HNRNPUL1: variants seen among roughly 807,000 people sequenced by gnomAD.
HNRNPUL1 encodes the protein heterogeneous nuclear ribonucleoprotein U like 1.
Under a neutral mutation model 108.5 loss-of-function variants are expected in HNRNPUL1, and 14 were observed. The ratio of observed to expected loss-of-function variants is 0.13; its 90% confidence interval spans 0.09 to 0.20. HNRNPUL1 has a LOEUF of 0.20. Among genes scored for constraint, HNRNPUL1 ranks in the 10% least tolerant of loss-of-function variants. The pLI is 1.00. For synonymous variants in HNRNPUL1, 422 were observed against 445.2 expected (o/e 0.95, Z 0.66); for missense variants, 804 against 1,168.3 (o/e 0.69, Z 4.55).
In HNRNPUL1 at chr19:41,264,401, G is replaced by GCC. The variant is rs368460593; in HGVS notation, c.-95_-94dup. 51 of 988,412 alleles carry GCC rather than the reference G, an allele frequency of 5.2e-5. No individual in the cohort carries two copies. The highest frequency in any genetic ancestry group is 1.7e-4 in the South Asian group (5 of 29,756). The allele number at this position is 988,412 out of a possible 1,614,324, so 61.2% of individuals were successfully genotyped here. ...TGAGCCGCTGCCGCCATTGGAGTGGGCCCCCCCCCTTTCCCCCTTCGCCTC... is the reference window on the plus strand; with the variant it reads ...TGAGCCGCTGCCGCCATTGGAGTGGGCCCCCCCCCCCTTTCCCCCTTCGCCTC... On this transcript the variant is annotated 5_prime_UTR_variant, in exon 1 of 15. Coordinates refer to ENST00000392006, the MANE Select transcript of HNRNPUL1 (RefSeq NM_007040.6).
chr19:41,265,867 G>A (rs1371607992), intron 1 of HNRNPUL1, among the ~76,000 whole-genome samples: 1 of 152,074 alleles, frequency 6.6e-6, no homozygotes, highest in Admixed American at 6.6e-5. Context: ...GGGGGAGGCC[G>A]TAGGGAGCAA....
chr19:41,265,171 C>T lies in HNRNPUL1; in HGVS notation c.295+373C>T. The stretch of plus-strand genomic sequence containing the variant: ...TCTCGAAAATGGGGATCCTAGGGTA[C>T]GGAGCTCCGTGGGCTTGGCGGTCGT... On this transcript the variant is annotated intron_variant, in intron 1 of 14. Transcript: ENST00000392006. 5 of 1,450,188 alleles carry T rather than the reference C, an allele frequency of 3.4e-6. No individual in the cohort carries two copies. In the South Asian group the frequency reaches 4.1e-5, roughly 12 times the overall value. 89.8% of individuals were successfully genotyped at this position (1,450,188 alleles called of 1,614,324 possible).
rs148492150 is a variant in HNRNPUL1, at chr19:41,293,543, C to G, written c.1267-795C>G. 2.4e-3 allele frequency among the ~76,000 whole-genome samples: 362 copies of G among 152,336 alleles called. 2 individuals are homozygous for G. Among genetic ancestry groups the G allele is most frequent in the African/African-American group, 8.1e-3 (337 of 41,574 alleles). On this transcript the variant is annotated intron_variant, in intron 8 of 14. Coordinates refer to ENST00000392006, the MANE Select transcript of HNRNPUL1 (RefSeq NM_007040.6). ...AAGATGCATCTGTGTTTACCAAATTCTAAATGTACTGATTAGATACAATTC... is the reference window on the plus strand; with the variant it reads ...AAGATGCATCTGTGTTTACCAAATTGTAAATGTACTGATTAGATACAATTC...
rs1568439944 is a variant in HNRNPUL1 at position 41,281,249 on chromosome 19, G to A, written c.973G>A (p.Glu325Lys). Residue 325 changes from glutamate to lysine, a missense_variant, in exon 7 of 15, where the codon GAG (glutamate) becomes AAG (lysine). Physicochemically the swap from Glu to Lys is moderately conservative, Grantham distance 56. Transcript: ENST00000392006. ...RFENYGDKFA[E>K]NDVIGCFADF... ...TGAAAACTACGGAGACAAGTTTGCA[G>A]AGAACGATGTGATTGGCTGCTTTGC... 6.2e-7 allele frequency: 1 copy of A among 1,613,982 alleles called. No individual in the cohort carries two copies.
At chr19:41,287,216 A>G (rs777808948) in intron 7 of HNRNPUL1, among the ~76,000 whole-genome samples, 52 of 151,968 alleles carry the variant, frequency 3.4e-4, no homozygotes, top group Non-Finnish European at 5.9e-4. Context: ...GGGTTTCACC[A>G]TGTTGGTCAG....
chr19:41,288,922 C>A (rs1177319707), intron 7 of HNRNPUL1, among the ~76,000 whole-genome samples: 1 of 152,146 alleles, frequency 6.6e-6, no homozygotes, highest in Non-Finnish European at 1.5e-5. Flanking sequence ...TCCGTGCTGG[C>A]ATGAGCATTT....
Position 41,291,990 on chromosome 19 carries a change from A to C in HNRNPUL1, c.1000-255A>C, listed in dbSNP as rs929437034. The stretch of plus-strand genomic sequence containing the variant: ...GTGAGACCCTGTCTCAAAAAAAAAA[A>C]AAACAAAAAAAAAAAACTCTTGCTT... On this transcript the variant is annotated intron_variant, in intron 7 of 14. Transcript: ENST00000392006. The C allele has an allele frequency of 1.0e-4, 47 of 452,306 alleles. 1 individual carries two copies. The highest frequency in any genetic ancestry group is 3.2e-4 in the South Asian group (13 of 40,984). The allele number at this position is 452,306 out of a possible 1,614,324, so 28.0% of individuals were successfully genotyped here.
At chr19:41,301,165 C>T (rs772063995) in intron 10 of HNRNPUL1, among the ~76,000 whole-genome samples, 26 of 152,180 alleles carry the variant, frequency 1.7e-4, no homozygotes, top group Admixed American at 5.9e-4. Context: ...ACTAAGGGAA[C>T]ACAGGGGTTT....
rs2037612170 is a variant in HNRNPUL1, at chr19:41,307,617, T to TGTTTTGTTTGGTTTC, written c.*1062_*1076dup. ...CACTTATTAAGAAATGTGTTTGCCC[T>TGTTTTGTTTGGTTTC]GTTTTGTTTGGTTTCGTTTTGTTTT... is the stretch of plus-strand genomic sequence containing the variant. On this transcript the variant is annotated 3_prime_UTR_variant, in exon 15 of 15. Transcript: ENST00000392006. 6.6e-6 allele frequency: 1 copy of TGTTTTGTTTGGTTTC among 152,668 alleles called. No homozygotes were observed. Among genetic ancestry groups the TGTTTTGTTTGGTTTC allele is most frequent in the Non-Finnish European group, 1.5e-5 (1 of 68,044 alleles). 9.5% of individuals were successfully genotyped at this position (152,668 alleles called of 1,614,324 possible).
intron 7 of HNRNPUL1, among the ~76,000 whole-genome samples, chr19:41,284,504 A>G (rs1166113569): frequency 6.6e-6 from 1 of 151,872 alleles, no homozygotes; most frequent in African/African-American, 2.4e-5. Context: ...AACTTTTAAT[A>G]TTTTATAAAC....
intron 2 of HNRNPUL1, among the ~76,000 whole-genome samples, chr19:41,269,862 G>C (rs1287677240): frequency 6.6e-6 from 1 of 152,166 alleles, no homozygotes; most frequent in Non-Finnish European, 1.5e-5. Flanking sequence ...ACTTTGGGAG[G>C]CTGAGGTGGG....
At chr19:41,297,517 G>T (rs1432516901) in intron 10 of HNRNPUL1, among the ~76,000 whole-genome samples, 1 of 152,204 alleles carries the variant, frequency 6.6e-6, no homozygotes, top group East Asian at 1.9e-4. Flanking sequence ...GAGGTGGGAA[G>T]CCTCTGGAAT....
At chr19:41,284,555 A>C (rs2036096238) in intron 7 of HNRNPUL1, among the ~76,000 whole-genome samples, 2 of 152,172 alleles carry the variant, frequency 1.3e-5, no homozygotes, top group Non-Finnish European at 1.5e-5. Flanking sequence ...CTGTAGTCCC[A>C]GATAGGAGGC....
At chr19:41,304,470 TAA>T (rs2037428960) in intron 13 of HNRNPUL1, among the ~76,000 whole-genome samples, 1 of 151,692 alleles carries the variant, frequency 6.6e-6, no homozygotes, top group African/African-American at 2.4e-5. Flanking sequence ...AACCCAGGAG[TAA>T]ATGTAGACCT....
At position 41,274,764 on chromosome 19, in the gene HNRNPUL1, A is replaced by G. The variant is rs556264958; in HGVS notation, c.646+709A>G. ...CAGAGCAGAAGATAAGCAGCAATTT[A>G]TTCATCTATTTCTACAGAAGCTTCT... On this transcript the variant is annotated intron_variant, in intron 4 of 14. Coordinates refer to ENST00000392006, the MANE Select transcript of HNRNPUL1 (RefSeq NM_007040.6). 2.6e-5 allele frequency among the ~76,000 whole-genome samples: 4 copies of G among 152,366 alleles called. No homozygotes were observed. In the South Asian group the frequency reaches 8.3e-4, roughly 32 times the overall value.
chr19:41,302,696 C>T lies in HNRNPUL1; in HGVS notation c.1719C>T (p.Phe573=), dbSNP rs749304722. Reference sequence around the variant, plus strand: ...TCACGTTGCCAGATGTTGGGGACTTCCTGGATGAGGTTCTGTTCATTGAGC... The same window carrying T: ...TCACGTTGCCAGATGTTGGGGACTTTCTGGATGAGGTTCTGTTCATTGAGC... ...ANFTLPDVGD[F]LDEVLFIELQ... is the part of the protein sequence containing the mutation. The change falls in exon 12 of 15, where the codon TTC becomes TTT. Residue 573 remains phenylalanine, a synonymous_variant. Coordinates refer to ENST00000392006, the MANE Select transcript of HNRNPUL1 (RefSeq NM_007040.6). 2.5e-6 allele frequency: 4 copies of T among 1,614,200 alleles called. No individual in the cohort carries two copies. In the South Asian group the frequency reaches 3.3e-5, roughly 13 times the overall value.
chr19:41,284,725 C>T (rs1356757303), intron 7 of HNRNPUL1, among the ~76,000 whole-genome samples: 4 of 152,126 alleles, frequency 2.6e-5, no homozygotes, highest in Non-Finnish European at 4.4e-5. Context: ...CTGCCGGGCA[C>T]GGTGGCTCAC....
chr19:41,286,168 A>G (rs933002981), intron 7 of HNRNPUL1, among the ~76,000 whole-genome samples: 8 of 151,656 alleles, frequency 5.3e-5, no homozygotes, highest in Non-Finnish European at 7.4e-5. Flanking sequence ...CACTCATATG[A>G]CATACCTAAC....
chr19:41,265,609 G>T (rs1050977270), intron 1 of HNRNPUL1, among the ~76,000 whole-genome samples: 1 of 152,120 alleles, frequency 6.6e-6, no homozygotes, highest in African/African-American at 2.4e-5. Flanking sequence ...GCTGGCGGGG[G>T]AGAGGATGCT....
Sources: gnomAD v4.1 joint callset for allele counts (sites outside exome capture counted in the v4.1 genomes callset) on GRCh38, gnomAD v4.1.1 for gene constraint, MANE v1.5 for transcripts, NCBI Gene and HGNC (gene_info 2026-07-23, HGNC 2026-07-21) for gene names.